Variants in ATP5MC2 observed in about 807,000 individuals in gnomAD.
ATP5MC2 encodes ATP synthase F(0) complex subunit C2, mitochondrial.
In ATP5MC2, 11 loss-of-function variants were observed where a neutral mutation model predicts 13.5. The observed-to-expected ratio is 0.81, with a 90% CI of 0.51 to 1.35. The LOEUF (loss-of-function observed/expected upper bound fraction) is 1.35, where lower values mean the gene tolerates loss of function less well. Among genes scored for constraint, ATP5MC2 ranks in the 40% most tolerant of loss-of-function variants. ATP5MC2 has a pLI of 0.00. For synonymous variants in ATP5MC2, 64 were observed against 69.7 expected (o/e 0.92, Z 0.41); for missense variants, 132 against 175.0 (o/e 0.75, Z 1.39).
At chr12:53,670,400 A>G (rs1945061394) in intron 2 of ATP5MC2, 4 of 331,640 alleles carry the variant, frequency 1.2e-5, no homozygotes, top group Non-Finnish European at 2.3e-5. Flanking sequence ...CTGGCCTTCA[A>G]TGTGCTCAAA....
chr12:53,669,365 G>A (rs1193438740), intron 3 of ATP5MC2, 24 bp from the exon 4 acceptor site: 1 of 1,598,374 alleles, frequency 6.3e-7, no homozygotes. Flanking sequence ...GCAGGTAGAA[G>A]GTAAAGTTTT....
At chr12:53,675,518 T>G (rs897051847) in intron 1 of ATP5MC2, among the ~76,000 whole-genome samples, 4 of 152,178 alleles carry the variant, frequency 2.6e-5, no homozygotes, top group Admixed American at 1.3e-4. Context: ...GTTTTGGCTT[T>G]TTTTCCCACT....
intron 4 of ATP5MC2, 36 bp downstream of exon 4, chr12:53,669,112 T>A: frequency 6.4e-7 from 1 of 1,569,994 alleles, no homozygotes; most frequent in Non-Finnish European, 8.6e-7. Flanking sequence ...TTGGAAAGCA[T>A]ATCAGATAAC....
At chr12:53,674,505 G>A (rs1264925843) in intron 1 of ATP5MC2, among the ~76,000 whole-genome samples, 1 of 152,224 alleles carries the variant, frequency 6.6e-6, no homozygotes, top group Non-Finnish European at 1.5e-5. Context: ...GATCTTTTAA[G>A]TTACATGCTT....
intron 4 of ATP5MC2, among the ~76,000 whole-genome samples, chr12:53,667,956 CATATAT>C (rs772110168): frequency 0.011 from 736 of 67,334 alleles, 14 homozygotes; most frequent in South Asian, 0.022. Flanking sequence ...CATACACACA[CATATAT>C]ATATATATAT....
At chr12:53,674,897 A>C (rs1050969748) in intron 1 of ATP5MC2, among the ~76,000 whole-genome samples, 1 of 152,232 alleles carries the variant, frequency 6.6e-6, no homozygotes, top group African/African-American at 2.4e-5. Context: ...GCTTTTAGAA[A>C]AAGAAGGGGT....
intron 1 of ATP5MC2, 123 bp downstream of exon 1, chr12:53,675,930 C>T: frequency 7.1e-7 from 1 of 1,399,250 alleles, no homozygotes; most frequent in East Asian, 2.5e-5. Context: ...ATAGCGGAAG[C>T]AAGAAAGGGC....
At chr12:53,676,315 C>T (rs191422929), upstream of ATP5MC2, 15 of 1,446,098 alleles carry the variant, frequency 1.0e-5, no homozygotes, top group East Asian at 1.6e-4. Flanking sequence ...GTAAGCCGAT[C>T]CGTAACGTGG....
intron 1 of ATP5MC2, among the ~76,000 whole-genome samples, chr12:53,675,510 T>TA (rs1468137259): frequency 3.9e-5 from 6 of 152,184 alleles, no homozygotes; most frequent in Non-Finnish European, 7.3e-5. Context: ...GAGGCGATGT[T>TA]TTGGCTTTTT....
chr12:53,667,992 T>TATATATATATAA (rs1301480856), intron 4 of ATP5MC2, among the ~76,000 whole-genome samples: 2 of 98,632 alleles, frequency 2.0e-5, no homozygotes, highest in East Asian at 3.5e-4. Flanking sequence ...TATATATATA[T>TATATATATATAA]ATAAATTTTT....
intron 2 of ATP5MC2, chr12:53,670,220 C>G: frequency 2.3e-6 from 1 of 442,758 alleles, no homozygotes; most frequent in Non-Finnish European, 4.3e-6. Flanking sequence ...TTGCTATATC[C>G]TTTTATAGCT....
Position 53,669,890 on chromosome 12 carries a change from G to A in ATP5MC2, c.98C>T (p.Pro33Leu), listed in dbSNP as rs752091763. The change falls in exon 3 of 5, where the codon CCG becomes CTG. Residue 33 changes from proline (P) to leucine (L), a missense_variant. By Grantham distance (98) the Pro-to-Leu change is moderately conservative. Transcript: ENST00000394349. ...AGGTACCTCATCTGTCAGTATCTCC[G>A]GTCGTTTCAGCACCACTGCAGATAG... The part of the protein sequence containing the change: ...RPLSAVVLKR[P>L]EILTDESLSS... The A allele has an allele frequency of 5.0e-6, 8 of 1,613,824 alleles. No homozygotes were observed. Among genetic ancestry groups the A allele is most frequent in the South Asian group, 3.3e-5 (3 of 91,062 alleles).
Position 53,666,404 on chromosome 12 carries a change from T to C in ATP5MC2, c.312-976A>G, listed in dbSNP as rs58247751. On this transcript the variant is annotated intron_variant, in intron 4 of 4. Transcript: ENST00000394349. ...CATCCTAGCTAATACGGTGACACCC[T>C]GTCTCTACTAAAAATACAAAAAATT... Among the ~76,000 whole-genome samples the C allele has an allele frequency of 9.3e-3, 1,409 of 152,058 alleles. 21 individuals are homozygous for C. Among genetic ancestry groups the C allele is most frequent in the East Asian group, 0.029 (147 of 5,144 alleles).
upstream of ATP5MC2, among the ~76,000 whole-genome samples, chr12:53,679,923 G>C (rs1945332608): frequency 6.6e-6 from 1 of 152,098 alleles, no homozygotes; most frequent in Non-Finnish European, 1.5e-5. Flanking sequence ...GGTGGCAGAG[G>C]GATGACCAAA....
Position 53,669,292 on chromosome 12 carries a change from C to A in ATP5MC2, c.167G>T (p.Ser56Ile), listed in dbSNP as rs759688894. The A allele has an allele frequency of 6.2e-7, 1 of 1,614,118 alleles. No individual in the cohort carries two copies. Among genetic ancestry groups the A allele is most frequent in the East Asian group, 2.2e-5 (1 of 44,884 alleles). The change falls in exon 4 of 5, where the codon AGC (serine) becomes ATC (isoleucine). Residue 56 changes from serine (S) to isoleucine (I), a missense_variant. Transcript: ENST00000394349. Reference protein sequence around the residue: ...VSCPLTSLVSSRSFQTSAISR... With the variant: ...VSCPLTSLVSIRSFQTSAISR... ...AATGGCGCTGGTTTGGAAGCTGCGG[C>A]TAGAGACAAGTGAGGTAAGGGGACA...
chr12:53,669,937 G>A lies in ATP5MC2; in HGVS notation c.51C>T (p.Thr17=), dbSNP rs772188326. 3.1e-6 allele frequency: 5 copies of A among 1,613,976 alleles called. No homozygotes were observed. The African/African-American group carries it at 6.7e-5, about 22-fold the overall frequency. The stretch of plus-strand genomic sequence containing the variant: ...ATAGCGGACGGCTCAGCAGCTGTGA[G>A]GTGCTCTTGACCTAGCAGGAATGAC... The part of the protein sequence containing the change: ...FVSTPSLVKS[T]SQLLSRPLSA... Residue 17 remains threonine, a synonymous_variant, in exon 3 of 5, where the codon ACC becomes ACT. Transcript: ENST00000394349.
chr12:53,676,431 T>C, upstream of ATP5MC2: 1 of 540,700 alleles, frequency 1.8e-6, no homozygotes, highest in Non-Finnish European at 3.2e-6. Context: ...CAGAATTCAG[T>C]GTTAACATAC....
intron 4 of ATP5MC2, among the ~76,000 whole-genome samples, chr12:53,667,956 CATATATATATATATATATAT>C (rs772110168): frequency 0.096 from 6,486 of 67,350 alleles, 654 homozygotes; most frequent in African/African-American, 0.26. Context: ...CATACACACA[CATATATATATATATATATAT>C]ATATATATAT....
At chr12:53,670,340 T>A (rs924749085) in intron 2 of ATP5MC2, 2 of 348,744 alleles carry the variant, frequency 5.7e-6, no homozygotes, top group African/African-American at 4.3e-5. Context: ...AATAAATCCA[T>A]CATACTTTGA....
Sources: gnomAD v4.1 joint callset for allele counts (sites outside exome capture counted in the v4.1 genomes callset) on GRCh38, gnomAD v4.1.1 for gene constraint, MANE v1.5 for transcripts, NCBI Gene and HGNC (gene_info 2026-07-23, HGNC 2026-07-21) for gene names.